The following PPA2 variants were observed in gnomAD, a reference collection of about 807,000 sequenced individuals.
The protein encoded by PPA2 is inorganic pyrophosphatase 2, mitochondrial.
A neutral mutation model predicts 49.5 loss-of-function variants in PPA2; 48 were observed. The ratio of observed to expected loss-of-function variants is 0.97; its 90% CI spans 0.77 to 1.23. PPA2 has a LOEUF of 1.23. Among genes scored for constraint, PPA2 ranks in the 50% most tolerant of loss-of-function variants. The probability of loss-of-function intolerance (pLI) is 0.00; values close to 1 mark genes in which losing one functional copy is unlikely to be tolerated. For synonymous variants in PPA2, 131 were observed against 139.9 expected, an observed-to-expected ratio of 0.94 and a Z score of 0.45; for missense variants, 429 against 410.1, an observed-to-expected ratio of 1.05 and a Z score of -0.40.
intron 7 of PPA2, among the ~76,000 whole-genome samples, chr4:105,402,121 G>A (rs892026325): frequency 1.3e-4 from 20 of 151,966 alleles, no homozygotes; most frequent in African/African-American, 4.8e-4. Flanking sequence ...GTCAAATTAA[G>A]CCTGGAGCTA....
intron 7 of PPA2, 85 bp downstream of exon 7, chr4:105,424,111 C>T: frequency 7.3e-7 from 1 of 1,365,364 alleles, no homozygotes; most frequent in Non-Finnish European, 1.0e-6. Flanking sequence ...GTACATTTAA[C>T]TCCCCTATGT....
chr4:105,404,730 A>C (rs1389929936), intron 7 of PPA2, among the ~76,000 whole-genome samples: 2 of 152,192 alleles, frequency 1.3e-5, no homozygotes, highest in South Asian at 4.1e-4. Context: ...GTCCATGAAC[A>C]CAGCCAAAGT....
At chr4:105,466,445 A>G (rs1324730155) in intron 1 of PPA2, among the ~76,000 whole-genome samples, 1 of 152,146 alleles carries the variant, frequency 6.6e-6, no homozygotes, top group Non-Finnish European at 1.5e-5. Flanking sequence ...ATAAAGATAA[A>G]GGAAAACAAA....
chr4:105,377,829 T>C (rs574238538), intron 10 of PPA2, among the ~76,000 whole-genome samples: 39 of 151,998 alleles, frequency 2.6e-4, no homozygotes, highest in African/African-American at 8.9e-4. Flanking sequence ...CACTCAATAT[T>C]TTTTTTTAAG....
intron 7 of PPA2, among the ~76,000 whole-genome samples, chr4:105,409,642 G>A (rs951152211): frequency 1.3e-5 from 2 of 152,200 alleles, no homozygotes; most frequent in African/African-American, 4.8e-5. Context: ...CCCAGTAGGG[G>A]CCGACAGACA....
chr4:105,369,676 G>A lies in PPA2; in HGVS notation c.*49C>T, dbSNP rs748830521. The A allele has an allele frequency of 3.9e-6, 6 of 1,524,942 alleles. No homozygotes were observed. Among genetic ancestry groups the A allele is most frequent in the Non-Finnish European group, 5.5e-6 (6 of 1,099,158 alleles). 94.5% of individuals were successfully genotyped at this position (1,524,942 alleles called of 1,614,324 possible). On this transcript the variant is annotated 3_prime_UTR_variant, in exon 12 of 12. Coordinates refer to ENST00000341695, the MANE Select transcript of PPA2 (RefSeq NM_176869.3). ...ATAGACCCCCTTGTCTCTAGCACTT[G>A]GAGTCCTTAGAGATGGGAATCTTGA...
intron 7 of PPA2, among the ~76,000 whole-genome samples, chr4:105,422,916 G>A (rs1249404944): frequency 6.6e-6 from 1 of 152,158 alleles, no homozygotes; most frequent in Non-Finnish European, 1.5e-5. Context: ...CATGACTTTA[G>A]TGTAGCAGAT....
At chr4:105,396,703 G>T (rs1410954044) in intron 8 of PPA2, among the ~76,000 whole-genome samples, 1 of 152,158 alleles carries the variant, frequency 6.6e-6, no homozygotes, top group Non-Finnish European at 1.5e-5. Flanking sequence ...GAGTTGAGCA[G>T]CTGTGACAGA....
At chr4:105,384,141 G>A (rs574032585) in intron 10 of PPA2, among the ~76,000 whole-genome samples, 3 of 152,304 alleles carry the variant, frequency 2.0e-5, no homozygotes, top group Non-Finnish European at 2.9e-5. Context: ...TCATGAGGGT[G>A]CTAATGGGGT....
At chr4:105,370,795 A>C in intron 11 of PPA2, 42 bp downstream of exon 11, 1 of 1,366,812 alleles carries the variant, frequency 7.3e-7, no homozygotes, top group Non-Finnish European at 9.6e-7. Context: ...TAAACAAATA[A>C]ATTTATACAT....
intron 1 of PPA2, among the ~76,000 whole-genome samples, chr4:105,471,773 CG>C (rs1723533582): frequency 6.6e-6 from 1 of 152,176 alleles, no homozygotes; most frequent in South Asian, 2.1e-4. Context: ...TGCCATCTGG[CG>C]GTTAGTTCAG....
In PPA2 at chr4:105,450,601, C is replaced by CTTTTTTTTTTT. The variant is rs575896250; in HGVS notation, c.268-1209_268-1199dup. ...ATGCTGGCCAGGCTGGTCTGGAATTCTTTTTTTTTTTTTTTTTTTTTTTTG... is the reference window on the plus strand; with the variant it reads ...ATGCTGGCCAGGCTGGTCTGGAATTCTTTTTTTTTTTTTTTTTTTTTTTTTTTTTTTTTTTG... On this transcript the variant is annotated intron_variant, in intron 3 of 11. Coordinates refer to ENST00000341695, the MANE Select transcript of PPA2 (RefSeq NM_176869.3). 2.1e-3 allele frequency among the ~76,000 whole-genome samples: 172 copies of CTTTTTTTTTTT among 82,634 alleles called. 22 individuals carry two copies. The highest frequency in any genetic ancestry group is 7.5e-3 in the Middle Eastern group (1 of 134). 54.2% of individuals were successfully genotyped at this position (82,634 alleles called of 152,430 possible). A position where few individuals can be genotyped will look rare whatever the true frequency, so the allele number is the denominator to read the frequency against.
chr4:105,461,006 A>C (rs2110323859), intron 1 of PPA2, among the ~76,000 whole-genome samples: 1 of 152,340 alleles, frequency 6.6e-6, no homozygotes, highest in South Asian at 2.1e-4. Flanking sequence ...TAGTGAAGAA[A>C]AAGAGTAAAA....
chr4:105,379,847 T>TG (rs1733415516), intron 10 of PPA2, among the ~76,000 whole-genome samples: 2 of 152,148 alleles, frequency 1.3e-5, no homozygotes, highest in South Asian at 4.1e-4. Flanking sequence ...TTGGCTAGGC[T>TG]GGTCTTGAAC....
chr4:105,406,701 A>G (rs1227484333), intron 7 of PPA2, among the ~76,000 whole-genome samples: 3 of 152,228 alleles, frequency 2.0e-5, no homozygotes, highest in Non-Finnish European at 4.4e-5. Context: ...TATGAAAAGT[A>G]GACCCTCATT....
intron 3 of PPA2, 100 bp from the exon 4 acceptor site, chr4:105,449,503 C>T: frequency 3.0e-6 from 2 of 672,022 alleles, no homozygotes; most frequent in Non-Finnish European, 4.9e-6. Context: ...TTTCCCCCGA[C>T]AAAAAAAATG....
intron 6 of PPA2, among the ~76,000 whole-genome samples, chr4:105,432,887 T>C (rs2110283184): frequency 6.6e-6 from 1 of 152,316 alleles, no homozygotes; most frequent in Non-Finnish European, 1.5e-5. Flanking sequence ...TCAATCCCAA[T>C]TCTGCCAACT....
At chr4:105,394,373 C>CAAAAAAAAAAAA (rs34736301) in intron 9 of PPA2, among the ~76,000 whole-genome samples, 1 of 96,916 alleles carries the variant, frequency 1.0e-5, no homozygotes, top group East Asian at 3.2e-4. Flanking sequence ...GATTCCATTT[C>CAAAAAAAAAAAA]AAAAAAAAAA....
In PPA2 at chr4:105,463,671, T is replaced by C. The variant is rs567958908; in HGVS notation, c.158-6926A>G. Among the ~76,000 whole-genome samples, 16 of 152,302 alleles carry C rather than the reference T, an allele frequency of 1.1e-4. No individual in the cohort carries two copies. In the East Asian group the frequency reaches 3.1e-3, roughly 29 times the overall value. ...CGCTGGGCTCAGGGTCCCTCTGCTG[T>C]GTGCAGCCTAGGGAGTTGGTGCCTT... On this transcript the variant is annotated intron_variant, in intron 1 of 11. Transcript: ENST00000341695.
Sources: gnomAD v4.1 joint callset for allele counts (sites outside exome capture counted in the v4.1 genomes callset) on GRCh38, gnomAD v4.1.1 for gene constraint, MANE v1.5 for transcripts, NCBI Gene and HGNC (gene_info 2026-07-23, HGNC 2026-07-21) for gene names.